Variants in NAV3 observed in about 807,000 individuals in gnomAD.
The protein encoded by NAV3 is neuron navigator 3.
In NAV3, 87 loss-of-function variants were observed where a neutral mutation model predicts 244.7. That is an observed-to-expected ratio of 0.36 (90% CI 0.30 to 0.42). NAV3 has a LOEUF of 0.42. Among genes scored for constraint, NAV3 ranks in the 20% least tolerant of loss-of-function variants. The pLI is 1.00. For missense variants in NAV3, 2,663 were observed against 2,893.3 expected, an observed-to-expected ratio of 0.92 and a Z score of 1.83; for synonymous variants, 1,126 against 1,042.2, an observed-to-expected ratio of 1.08 and a Z score of -1.55.
Position 77,871,488 on chromosome 12 carries a change from C to T in NAV3, c.243+39784C>T, listed in dbSNP as rs1001323725. On this transcript the variant is annotated intron_variant, in intron 1 of 39. Transcript: ENST00000397909. ...GTGTGCAATGTTCCCCTCCCTGTGT[C>T]CATTTGTTCTCATTGTTCAACTCTC... is the stretch of plus-strand genomic sequence containing the variant. Among the ~76,000 whole-genome samples, 22 of 152,216 alleles carry T rather than the reference C, an allele frequency of 1.4e-4. No individual in the cohort carries two copies. The East Asian group carries it at 4.3e-3, about 29-fold the overall frequency.
At chr12:77,951,925 G>A (rs1280223147) in intron 3 of NAV3, among the ~76,000 whole-genome samples, 2 of 152,036 alleles carry the variant, frequency 1.3e-5, no homozygotes, top group Non-Finnish European at 2.9e-5. Context: ...TCGTGGGGCA[G>A]GGGGAGAGGG....
intron 2 of NAV3, among the ~76,000 whole-genome samples, chr12:77,714,734 T>C (rs889142388): frequency 4.6e-5 from 7 of 152,174 alleles, no homozygotes; most frequent in African/African-American, 1.7e-4. Context: ...TCTAATCTTA[T>C]GTCTTTCCTG....
At chr12:77,732,940 G>A (rs185199533) in intron 2 of NAV3, among the ~76,000 whole-genome samples, 2 of 152,174 alleles carry the variant, frequency 1.3e-5, no homozygotes, top group East Asian at 1.9e-4. Context: ...GGTGGAGGAA[G>A]AGTGTGAAGA....
chr12:78,013,603 A>T (rs1246104518), intron 8 of NAV3, among the ~76,000 whole-genome samples: 1 of 152,158 alleles, frequency 6.6e-6, no homozygotes, highest in African/African-American at 2.4e-5. Flanking sequence ...CTTGAATGTC[A>T]GAAACTTGGA....
At chr12:78,170,178 T>C (rs1957945042) in intron 24 of NAV3, among the ~76,000 whole-genome samples, 1 of 151,730 alleles carries the variant, frequency 6.6e-6, no homozygotes, top group South Asian at 2.1e-4. Flanking sequence ...CTGTTTTGCA[T>C]CTTAAACCTA....
chr12:77,618,999 G>T (rs1248747461), intron 2 of NAV3, among the ~76,000 whole-genome samples: 2 of 152,132 alleles, frequency 1.3e-5, no homozygotes, highest in African/African-American at 4.8e-5. Flanking sequence ...CATAAGAATT[G>T]CCTTAGGAGA....
At chr12:77,671,850 A>G (rs1873990186) in intron 2 of NAV3, among the ~76,000 whole-genome samples, 1 of 152,180 alleles carries the variant, frequency 6.6e-6, no homozygotes, top group Non-Finnish European at 1.5e-5. Flanking sequence ...TGGCTTAGGC[A>G]AAGACTTAAT....
chr12:77,922,556 C>A (rs1322185366), intron 1 of NAV3, among the ~76,000 whole-genome samples: 4 of 152,128 alleles, frequency 2.6e-5, no homozygotes, highest in Admixed American at 2.6e-4. Context: ...ACAGGCCACT[C>A]CAAAGTGCCT....
At chr12:78,131,349 G>T (rs1468465259) in intron 18 of NAV3, among the ~76,000 whole-genome samples, 1 of 152,116 alleles carries the variant, frequency 6.6e-6, no homozygotes, top group Non-Finnish European at 1.5e-5. Context: ...AGTGATAAGA[G>T]AATTTACCTA....
intron 2 of NAV3, among the ~76,000 whole-genome samples, chr12:77,666,097 T>A (rs1032305324): frequency 6.6e-6 from 1 of 152,030 alleles, no homozygotes; most frequent in Admixed American, 6.6e-5. Context: ...TCTCTTCTGT[T>A]TTTATAAAAT....
intron 12 of NAV3, among the ~76,000 whole-genome samples, chr12:78,084,846 C>A (rs12301455): frequency 6.6e-6 from 1 of 152,042 alleles, no homozygotes; most frequent in African/African-American, 2.4e-5. Flanking sequence ...CTGACTTGGC[C>A]TATCAGCACT....
chr12:78,166,100 C>A (rs555771456), intron 23 of NAV3, among the ~76,000 whole-genome samples: 1 of 151,624 alleles, frequency 6.6e-6, no homozygotes, highest in Non-Finnish European at 1.5e-5. Flanking sequence ...ATAAATCAAG[C>A]GAAAAAATAT....
At chr12:77,599,506 G>A (rs1308848452) in intron 2 of NAV3, among the ~76,000 whole-genome samples, 1 of 151,762 alleles carries the variant, frequency 6.6e-6, no homozygotes, top group Non-Finnish European at 1.5e-5. Context: ...TGCTGATTCT[G>A]TTTGTTAAAA....
intron 2 of NAV3, among the ~76,000 whole-genome samples, chr12:77,703,106 T>C (rs1163379617): frequency 6.6e-6 from 1 of 152,084 alleles, no homozygotes. Context: ...GTTTTATAAA[T>C]CTGTCCTGCT....
chr12:77,956,489 C>T (rs1429133401), intron 3 of NAV3, among the ~76,000 whole-genome samples: 1 of 152,050 alleles, frequency 6.6e-6, no homozygotes, highest in Non-Finnish European at 1.5e-5. Flanking sequence ...GGTATTATAC[C>T]TGCTATCTGG....
At chr12:77,924,254 C>G (rs779512964) in intron 1 of NAV3, among the ~76,000 whole-genome samples, 21 of 151,918 alleles carry the variant, frequency 1.4e-4, no homozygotes, top group Non-Finnish European at 2.9e-4. Context: ...ATGGGCAAAA[C>G]GAAGAATAGG....
At chr12:77,608,341 G>A (rs943452634) in intron 2 of NAV3, among the ~76,000 whole-genome samples, 1 of 152,030 alleles carries the variant, frequency 6.6e-6, no homozygotes, top group Non-Finnish European at 1.5e-5. Context: ...TGAAGTCCTT[G>A]TCTTTTGTGA....
intron 17 of NAV3, among the ~76,000 whole-genome samples, chr12:78,128,484 A>T (rs1260618676): frequency 6.6e-6 from 1 of 152,140 alleles, no homozygotes; most frequent in Non-Finnish European, 1.5e-5. Context: ...TATCTGATAG[A>T]AGCATAATTT....
chr12:77,796,640 A>G (rs1477897714), intron 2 of NAV3, among the ~76,000 whole-genome samples: 1 of 152,206 alleles, frequency 6.6e-6, no homozygotes, highest in Admixed American at 6.5e-5. Flanking sequence ...CATGAAAGGA[A>G]GAGTTAATCA....
Sources: allele counts gnomAD v4.1 joint callset (sites outside exome capture counted in the v4.1 genomes callset), GRCh38; gene constraint gnomAD v4.1.1; transcripts MANE v1.5; gene names NCBI Gene and HGNC (gene_info 2026-07-23, HGNC 2026-07-21).